FGD2: variants seen among roughly 807,000 people sequenced by gnomAD.
FGD2 encodes FYVE, RhoGEF and PH domain containing 2, also known as FYVE, RhoGEF and PH domain-containing protein 2.
FGD2 carries 52 observed loss-of-function variants against 75.9 expected under a neutral mutation model. That is an observed-to-expected ratio of 0.69 (90% CI 0.55 to 0.86). FGD2 has a LOEUF of 0.86. Ranked by LOEUF, FGD2 falls within the 40% of genes least tolerant of loss-of-function variation. FGD2 has a pLI of 0.00. For synonymous variants in FGD2, 347 were observed against 348.6 expected, an observed-to-expected ratio of 1.00 and a Z score of 0.05; for missense variants, 790 against 872.0, an observed-to-expected ratio of 0.91 and a Z score of 1.18.
chr6:37,015,708 C>T (rs1765251040), intron 8 of FGD2, 60 bp from the exon 9 acceptor site: 7 of 1,496,272 alleles, frequency 4.7e-6, no homozygotes, highest in South Asian at 1.2e-5. Flanking sequence ...CTCGGGGAAA[C>T]CCCACCTAGC....
At chr6:37,015,598 A>C (rs1229680631) in intron 8 of FGD2, among the ~76,000 whole-genome samples, 170 bp from the exon 9 acceptor site, 1 of 152,208 alleles carries the variant, frequency 6.6e-6, no homozygotes, top group Non-Finnish European at 1.5e-5. Context: ...CCCCTTCCTC[A>C]TCACCTACAT....
Position 37,027,451 on chromosome 6 carries a change from A to C in FGD2, c.1628A>C (p.Asp543Ala). The C allele has an allele frequency of 6.2e-7, 1 of 1,612,694 alleles. No individual in the cohort carries two copies. Among genetic ancestry groups the C allele is most frequent in the South Asian group, 1.1e-5 (1 of 91,004 alleles). ...ILEKGSSATP[D>A]QSLMCSFLQL... ...TAGAAAGGGTCCTCAGCCACGCCTGACCAGAGCCTGATGTGCAGCTTCCTG... is the reference window on the plus strand; with the variant it reads ...TAGAAAGGGTCCTCAGCCACGCCTGCCCAGAGCCTGATGTGCAGCTTCCTG... The change falls in exon 15 of 16, where the codon GAC becomes GCC. Residue 543 changes from aspartate (D) to alanine (A), a missense_variant. By Grantham distance (126) the Asp-to-Ala change is moderately radical (BLOSUM62 -2). Transcript: ENST00000274963.
Position 37,028,223 on chromosome 6 carries a change from G to A in FGD2, c.*60G>A. On this transcript the variant is annotated 3_prime_UTR_variant, in exon 16 of 16. Coordinates refer to ENST00000274963, the MANE Select transcript of FGD2 (RefSeq NM_173558.4). ...CACCCTGAACCCAGCTCCTGCCACAGACTGACCCTGTGGCCTCAGTGACCC... is the reference window on the plus strand; with the variant it reads ...CACCCTGAACCCAGCTCCTGCCACAAACTGACCCTGTGGCCTCAGTGACCC... 1 of 1,437,862 alleles carries A rather than the reference G, an allele frequency of 7.0e-7. No homozygotes were observed. The allele number at this position is 1,437,862 out of a possible 1,614,324, so 89.1% of individuals were successfully genotyped here.
At chr6:37,014,386 T>G in intron 6 of FGD2, 3 of 616,856 alleles carry the variant, frequency 4.9e-6, no homozygotes, top group Non-Finnish European at 8.5e-6. Context: ...CATTATACCC[T>G]CTAGGTCTGG....
intron 8 of FGD2, 80 bp downstream of exon 8, chr6:37,015,118 C>T: frequency 2.0e-6 from 3 of 1,504,028 alleles, no homozygotes; most frequent in Middle Eastern, 1.8e-4. Context: ...TACTGCCTGG[C>T]CTCTACCTGG....
intron 1 of FGD2, among the ~76,000 whole-genome samples, chr6:37,006,770 G>A (rs1333380979): frequency 6.6e-6 from 1 of 152,166 alleles, no homozygotes; most frequent in Non-Finnish European, 1.5e-5. Flanking sequence ...TTATCAGGGA[G>A]AGCTTTTGGG....
At chr6:37,013,823 G>A (rs958404825) in intron 5 of FGD2, 58 bp downstream of exon 5, 30 of 1,601,516 alleles carry the variant, frequency 1.9e-5, no homozygotes, top group Admixed American at 1.5e-4. Flanking sequence ...AGTGGCTCAG[G>A]TTGCCTTGAG....
intron 14 of FGD2, 124 bp downstream of exon 14, chr6:37,026,062 C>T: frequency 2.7e-6 from 4 of 1,473,484 alleles, no homozygotes; most frequent in East Asian, 2.5e-5. Context: ...CACCCTCCCC[C>T]CTCTCCCTCT....
chr6:37,014,966 C>T lies in FGD2; in HGVS notation c.957C>T (p.Thr319=), dbSNP rs1765211373. ...ACGACATAGTAGACCCCTCTAACACCCTGCTCCGTGAGGGCCCGGTCCTCA... is the reference window on the plus strand; with the variant it reads ...ACGACATAGTAGACCCCTCTAACACTCTGCTCCGTGAGGGCCCGGTCCTCA... ...LEDDIVDPSN[T]LLREGPVLKI... The change falls in exon 8 of 16, where the codon ACC becomes ACT. Residue 319 remains threonine, a synonymous_variant. Transcript: ENST00000274963. 1 of 1,614,158 alleles carries T rather than the reference C, an allele frequency of 6.2e-7. No homozygotes were observed. The highest frequency in any genetic ancestry group is 8.5e-7 in the Non-Finnish European group (1 of 1,180,014).
At position 37,027,513 on chromosome 6, in the gene FGD2, C is replaced by T. The variant is rs373769650; in HGVS notation, c.1690C>T (p.Arg564Trp). The change falls in exon 15 of 16, where the codon CGG becomes TGG. Residue 564 changes from arginine to tryptophan, a missense_variant. Arg to Trp is a moderately radical substitution (Grantham distance 101). Transcript: ENST00000274963. ...GGACAAGTGGGGCAAGAGCGGCCCC[C>T]GGGGCTGGTGTGTGATCCCTCGGGA... ...IGDKWGKSGP[R>W]GWCVIPRDDP... 1.2e-5 allele frequency: 20 copies of T among 1,613,860 alleles called. No homozygotes were observed. The highest frequency in any genetic ancestry group is 1.6e-5 in the Non-Finnish European group (19 of 1,179,920).
At chr6:37,016,049 G>T (rs1765270945) in intron 9 of FGD2, among the ~76,000 whole-genome samples, 189 bp downstream of exon 9, 1 of 152,228 alleles carries the variant, frequency 6.6e-6, no homozygotes, top group South Asian at 2.1e-4. Flanking sequence ...GTCCTTCCCA[G>T]CTTCCCACAG....
intron 11 of FGD2, among the ~76,000 whole-genome samples, chr6:37,021,195 G>C (rs1203582321): frequency 6.6e-6 from 1 of 152,060 alleles, no homozygotes; most frequent in Non-Finnish European, 1.5e-5. Flanking sequence ...CGTGTGCTCA[G>C]CTGCTCCCTG....
intron 4 of FGD2, among the ~76,000 whole-genome samples, chr6:37,012,245 G>C (rs1765046761): frequency 6.6e-6 from 1 of 152,166 alleles, no homozygotes; most frequent in South Asian, 2.1e-4. Context: ...AAACCCTCTT[G>C]TTTTCACAGA....
At chr6:37,015,094 T>G (rs1583304522) in intron 8 of FGD2, 56 bp downstream of exon 8, 1 of 1,576,102 alleles carries the variant, frequency 6.3e-7, no homozygotes, top group East Asian at 2.2e-5. Flanking sequence ...CATGGGCCAC[T>G]CTGGCCCGAG....
chr6:37,025,861 T>A lies in FGD2; in HGVS notation c.1528T>A (p.Cys510Ser). 1 of 1,614,178 alleles carries A rather than the reference T, an allele frequency of 6.2e-7. No individual in the cohort carries two copies. Among genetic ancestry groups the A allele is most frequent in the Admixed American group, 1.7e-5 (1 of 60,028 alleles). Residue 510 changes from cysteine to serine, a missense_variant, in exon 14 of 16, where the codon TGC (cysteine) becomes AGC (serine). Coordinates refer to ENST00000274963, the MANE Select transcript of FGD2 (RefSeq NM_173558.4). ...CGACGACAACAGGCCCAACCGAGTC[T>A]GCCTCCACTGCTACGCATTCCTCAC... ...KYDDNRPNRV[C>S]LHCYAFLTGN...
chr6:37,011,968 C>T, intron 4 of FGD2, 114 bp downstream of exon 4: 7 of 1,202,172 alleles, frequency 5.8e-6, no homozygotes, highest in South Asian at 1.6e-5. Context: ...TATTGTGTGG[C>T]CATGCCTCCC....
intron 8 of FGD2, 148 bp from the exon 9 acceptor site, chr6:37,015,620 A>G (rs1325715316): frequency 4.2e-6 from 3 of 709,896 alleles, no homozygotes; most frequent in Non-Finnish European, 7.5e-6. Context: ...ATCACCTGTG[A>G]TGTCCTGTGA....
intron 2 of FGD2, among the ~76,000 whole-genome samples, chr6:37,010,213 A>T (rs919679429): frequency 6.6e-6 from 1 of 152,130 alleles, no homozygotes. Flanking sequence ...GGAGGCTGGA[A>T]GGCCAAGTTC....
intron 4 of FGD2, among the ~76,000 whole-genome samples, chr6:37,012,260 C>T (rs1475056518): frequency 1.3e-5 from 2 of 152,184 alleles, no homozygotes; most frequent in African/African-American, 4.8e-5. Context: ...CACAGATGGC[C>T]ACTAAAGCAT....
Sources: allele counts gnomAD v4.1 joint callset (sites outside exome capture counted in the v4.1 genomes callset), GRCh38; gene constraint gnomAD v4.1.1; transcripts MANE v1.5; gene names NCBI Gene and HGNC (gene_info 2026-07-23, HGNC 2026-07-21).